Variants in ENTREP2 observed in about 807,000 individuals in gnomAD.
ENTREP2 encodes the protein protein ENTREP2.
At chr15:29,378,770 C>G in the ENTREP2 span, among the ~76,000 whole-genome samples, 6 of 147,878 alleles carry the variant, frequency 4.1e-5, no homozygotes, top group Non-Finnish European at 8.9e-5. Context: ...AAATTTATAA[C>G]CTAGATATAT....
the ENTREP2 span, among the ~76,000 whole-genome samples, chr15:29,674,706 G>C: frequency 6.6e-6 from 1 of 151,514 alleles, no homozygotes; most frequent in Non-Finnish European, 1.5e-5. Flanking sequence ...AGGCATGCCG[G>C]GGGGGCGGAG....
At chr15:29,289,885 C>G in the ENTREP2 span, among the ~76,000 whole-genome samples, 1 of 152,040 alleles carries the variant, frequency 6.6e-6, no homozygotes, top group Non-Finnish European at 1.5e-5. Flanking sequence ...AAGTTCACAG[C>G]AGCATTATTT....
chr15:29,554,565 CTG>C, the ENTREP2 span, among the ~76,000 whole-genome samples: 5 of 152,080 alleles, frequency 3.3e-5, no homozygotes, highest in African/African-American at 7.2e-5. Flanking sequence ...TAGAGAGACA[CTG>C]TGTTGTGCAA....
the ENTREP2 span, among the ~76,000 whole-genome samples, chr15:29,419,932 G>A: frequency 6.6e-6 from 1 of 152,102 alleles, no homozygotes; most frequent in African/African-American, 2.4e-5. Context: ...AAATGACCTA[G>A]AGAAAAACCC....
the ENTREP2 span, among the ~76,000 whole-genome samples, chr15:29,248,851 A>G: frequency 6.6e-6 from 1 of 152,216 alleles, no homozygotes; most frequent in African/African-American, 2.4e-5. Context: ...CAAATACTCT[A>G]AAGATACATT....
chr15:29,537,185 C>G, the ENTREP2 span, among the ~76,000 whole-genome samples: 3 of 152,216 alleles, frequency 2.0e-5, no homozygotes, highest in African/African-American at 7.2e-5. Flanking sequence ...TTGAAGGCAA[C>G]TCGATCAACT....
the ENTREP2 span, among the ~76,000 whole-genome samples, chr15:29,250,453 T>C: frequency 6.6e-6 from 1 of 152,202 alleles, no homozygotes; most frequent in African/African-American, 2.4e-5. Flanking sequence ...CGTGGAGGTA[T>C]AGAAAGCGGT....
the ENTREP2 span, among the ~76,000 whole-genome samples, chr15:29,580,493 C>T: frequency 2.0e-5 from 3 of 152,132 alleles, no homozygotes; most frequent in South Asian, 4.1e-4. Context: ...AACATATTCC[C>T]GTTAGGTCTA....
the ENTREP2 span, among the ~76,000 whole-genome samples, chr15:29,219,614 A>AATTCATATAT: frequency 2.6e-5 from 1 of 38,402 alleles, no homozygotes; most frequent in African/African-American, 7.6e-5. Context: ...GTGGTGCATA[A>AATTCATATAT]ATATATATAT....
chr15:29,441,735 TC>T, the ENTREP2 span, among the ~76,000 whole-genome samples: 1 of 150,466 alleles, frequency 6.6e-6, no homozygotes, highest in Non-Finnish European at 1.5e-5. Context: ...CTGTATTGCT[TC>T]CTGACTCCAT....
the ENTREP2 span, among the ~76,000 whole-genome samples, chr15:29,159,401 A>G: frequency 6.6e-6 from 1 of 152,182 alleles, no homozygotes; most frequent in Non-Finnish European, 1.5e-5. Flanking sequence ...TTTATTGCAA[A>G]CAGCATAATA....
the ENTREP2 span, among the ~76,000 whole-genome samples, chr15:29,148,017 T>C: frequency 6.6e-6 from 1 of 152,204 alleles, no homozygotes; most frequent in South Asian, 2.1e-4. Context: ...GAAAACATCA[T>C]GCTAAATGAA....
the ENTREP2 span, among the ~76,000 whole-genome samples, chr15:29,667,192 C>CA: frequency 6.9e-6 from 1 of 144,418 alleles, no homozygotes; most frequent in East Asian, 2.0e-4. Context: ...CTTTTCTTTC[C>CA]TTTTTTTTTT....
the ENTREP2 span, among the ~76,000 whole-genome samples, chr15:29,289,022 T>G: frequency 6.6e-6 from 1 of 151,924 alleles, no homozygotes; most frequent in Non-Finnish European, 1.5e-5. Context: ...CTGGGCAACG[T>G]GGCAAAACCC....
chr15:29,132,298 C>G, the ENTREP2 span, among the ~76,000 whole-genome samples: 1 of 152,184 alleles, frequency 6.6e-6, no homozygotes. Flanking sequence ...GCACGGCCTT[C>G]CCTCTGTGGA....
chr15:29,657,798 T>A, the ENTREP2 span, among the ~76,000 whole-genome samples: 1 of 152,310 alleles, frequency 6.6e-6, no homozygotes, highest in Non-Finnish European at 1.5e-5. Context: ...CCAACTGGCC[T>A]CACCTCTCAA....
At chr15:29,470,613 G>A in the ENTREP2 span, among the ~76,000 whole-genome samples, 2 of 152,162 alleles carry the variant, frequency 1.3e-5, no homozygotes, top group Non-Finnish European at 2.9e-5. Flanking sequence ...TCCTACAAAC[G>A]CTGCCGGAAG....
At chr15:29,368,399 T>TAC in the ENTREP2 span, among the ~76,000 whole-genome samples, 7 of 149,872 alleles carry the variant, frequency 4.7e-5, no homozygotes, top group African/African-American at 7.4e-5. Flanking sequence ...TATACACACA[T>TAC]ACACACACAC....
chr15:29,160,346 G>T, the ENTREP2 span, among the ~76,000 whole-genome samples: 1 of 152,160 alleles, frequency 6.6e-6, no homozygotes, highest in Non-Finnish European at 1.5e-5. Context: ...TGGGCTGAAG[G>T]GCTCCTCAAG....
Sources: gnomAD v4.1 joint callset for allele counts (sites outside exome capture counted in the v4.1 genomes callset) on GRCh38, gnomAD v4.1.1 for gene constraint, MANE v1.5 for transcripts, NCBI Gene and HGNC (gene_info 2026-07-23, HGNC 2026-07-21) for gene names.